The following MAN1C1 variants were observed in gnomAD, a reference collection of about 807,000 sequenced individuals.
MAN1C1 encodes mannosyl-oligosaccharide 1,2-alpha-mannosidase IC.
In MAN1C1, 49 loss-of-function variants were observed where a neutral mutation model predicts 71.5. The ratio of observed to expected loss-of-function variants is 0.69; its 90% CI spans 0.54 to 0.87. The LOEUF is 0.87. Ranked by LOEUF, MAN1C1 falls within the 40% of genes least tolerant of loss-of-function variation. The pLI, the probability that MAN1C1 is intolerant of heterozygous loss-of-function variation, is 0.00. For synonymous variants in MAN1C1, 352 were observed against 343.7 expected, an observed-to-expected ratio of 1.02 and a Z score of -0.27; for missense variants, 743 against 835.0, an observed-to-expected ratio of 0.89 and a Z score of 1.36.
intron 1 of MAN1C1, among the ~76,000 whole-genome samples, chr1:25,676,234 G>A (rs555504115): frequency 2.0e-5 from 3 of 152,262 alleles, no homozygotes; most frequent in African/African-American, 7.2e-5. Flanking sequence ...CCTCAGGTGG[G>A]TGGGAGTTGT....
At position 25,711,989 on chromosome 1, in the gene MAN1C1, C is replaced by T. The variant is rs1009668316; in HGVS notation, c.637+25453C>T. ...TCCCTCTGCCCAGGCCCTGCTCATC[C>T]TGATGCAGACCACAGAGGAGGCGAC... On this transcript the variant is annotated intron_variant, in intron 2 of 11. Transcript: ENST00000374332. This position sits in a 1 kb window ranked among gnomAD's most constrained non-coding sequence, Gnocchi z 4.3. 6.6e-6 allele frequency among the ~76,000 whole-genome samples: 1 copy of T among 152,162 alleles called. No homozygotes were observed. Among genetic ancestry groups the T allele is most frequent in the African/African-American group, 2.4e-5 (1 of 41,432 alleles).
rs996205808 is a variant in MAN1C1, at chr1:25,617,032, C to G, written c.-766C>G. 2.6e-5 allele frequency among the ~76,000 whole-genome samples: 4 copies of G among 151,590 alleles called. No individual in the cohort carries two copies. Among genetic ancestry groups the G allele is most frequent in the African/African-American group, 9.7e-5 (4 of 41,306 alleles). ...CGAGTTCGAGGGGCGGGAGCCCGCG[C>G]TCCCGGGCGCATCTGCAGCCGCCCA... On this transcript the variant is annotated 5_prime_UTR_variant, in exon 1 of 12. Coordinates refer to ENST00000374332, the MANE Select transcript of MAN1C1 (RefSeq NM_020379.4). The surrounding 1 kb of genome is among the most constrained non-coding windows in gnomAD (Gnocchi z 5.1).
At chr1:25,695,686 A>C (rs763375018) in intron 2 of MAN1C1, among the ~76,000 whole-genome samples, 1 of 152,206 alleles carries the variant, frequency 6.6e-6, no homozygotes, top group Non-Finnish European at 1.5e-5. Flanking sequence ...CATCTTGGCC[A>C]TTTTCTTGTT....
At chr1:25,658,836 C>G (rs2045805755) in intron 1 of MAN1C1, 1 of 152,758 alleles carries the variant, frequency 6.5e-6, no homozygotes, top group African/African-American at 2.4e-5. Flanking sequence ...AGATACTTCC[C>G]CAGACGCCCC....
intron 2 of MAN1C1, among the ~76,000 whole-genome samples, chr1:25,691,960 T>C (rs1187563844): frequency 6.6e-6 from 1 of 152,246 alleles, no homozygotes; most frequent in East Asian, 1.9e-4. Context: ...AAATTCATCC[T>C]CCCTTGGCAG....
chr1:25,767,677 T>G (rs1236063165), intron 7 of MAN1C1, among the ~76,000 whole-genome samples: 1 of 63,302 alleles, frequency 1.6e-5, no homozygotes, highest in Non-Finnish European at 2.9e-5. Context: ...ACAGCCACAC[T>G]CTCCTTACAT....
intron 2 of MAN1C1, among the ~76,000 whole-genome samples, chr1:25,733,158 G>C (rs2744769): frequency 0.1 from 15,268 of 152,110 alleles, 1,298 homozygotes; most frequent in African/African-American, 0.23. Context: ...AGCATCTCCA[G>C]CTGCCTTCAC....
intron 1 of MAN1C1, among the ~76,000 whole-genome samples, chr1:25,676,641 C>T (rs921730574): frequency 1.3e-5 from 2 of 152,166 alleles, no homozygotes; most frequent in African/African-American, 4.8e-5. Flanking sequence ...CCACTTGGCC[C>T]CTGCAAATGG....
chr1:25,701,342 G>A (rs1024320954), intron 2 of MAN1C1, among the ~76,000 whole-genome samples: 10 of 152,222 alleles, frequency 6.6e-5, no homozygotes, highest in Non-Finnish European at 1.2e-4. Flanking sequence ...ATAGCCATGG[G>A]TGCCCACCGG....
At chr1:25,679,859 C>T (rs1013158561) in intron 1 of MAN1C1, among the ~76,000 whole-genome samples, 31 of 128,080 alleles carry the variant, frequency 2.4e-4, no homozygotes, top group Non-Finnish European at 4.3e-4. Context: ...TGACATTTTT[C>T]TTTTTCTTTT....
chr1:25,684,173 C>T (rs1037997832), intron 1 of MAN1C1, among the ~76,000 whole-genome samples: 2 of 151,994 alleles, frequency 1.3e-5, no homozygotes, highest in Non-Finnish European at 2.9e-5. Context: ...CAGCTTGCTG[C>T]TTGCCCCCGC....
chr1:25,722,616 C>T (rs1346248980), intron 2 of MAN1C1, among the ~76,000 whole-genome samples: 2 of 152,186 alleles, frequency 1.3e-5, no homozygotes, highest in African/African-American at 2.4e-5. Context: ...CTCACAGACG[C>T]ACCATTTTCT....
intron 6 of MAN1C1, among the ~76,000 whole-genome samples, chr1:25,763,250 G>A (rs1409273037): frequency 6.6e-6 from 1 of 151,644 alleles, no homozygotes; most frequent in East Asian, 1.9e-4. Context: ...CCTGGGTGAT[G>A]GATTGAGACT....
chr1:25,672,920 T>C (rs1382117580), intron 1 of MAN1C1, among the ~76,000 whole-genome samples: 1 of 152,042 alleles, frequency 6.6e-6, no homozygotes, highest in Non-Finnish European at 1.5e-5. Flanking sequence ...CACAGAGGAA[T>C]GGCATTTAAT....
chr1:25,663,057 C>T (rs1318777686), intron 1 of MAN1C1, among the ~76,000 whole-genome samples: 6 of 150,610 alleles, frequency 4.0e-5, no homozygotes, highest in South Asian at 2.1e-4. Context: ...TGCCACTGCA[C>T]TCCAGCCTGG....
intron 1 of MAN1C1, among the ~76,000 whole-genome samples, chr1:25,674,940 G>T (rs546573792): frequency 9.2e-4 from 140 of 152,336 alleles, no homozygotes; most frequent in Admixed American, 1.6e-3. Flanking sequence ...AGTCGCAGGA[G>T]TTCCATGGAG....
intron 1 of MAN1C1, among the ~76,000 whole-genome samples, chr1:25,679,942 A>AC: frequency 2.6e-5 from 3 of 116,276 alleles, no homozygotes; most frequent in African/African-American, 1.2e-4. Flanking sequence ...TGTCTCAAAA[A>AC]AAAAAAAAAT....
intron 1 of MAN1C1, among the ~76,000 whole-genome samples, chr1:25,650,534 G>A (rs1002761165): frequency 1.3e-5 from 2 of 152,182 alleles, no homozygotes; most frequent in African/African-American, 2.4e-5. Flanking sequence ...ACGACCCCCC[G>A]CAGAGAGAGC....
chr1:25,642,006 G>A (rs1348718689), intron 1 of MAN1C1, among the ~76,000 whole-genome samples: 1 of 152,204 alleles, frequency 6.6e-6, no homozygotes, highest in East Asian at 1.9e-4. Flanking sequence ...GCATGTACTG[G>A]AATCACTTCT....
Sources: allele counts gnomAD v4.1 joint callset (sites outside exome capture counted in the v4.1 genomes callset), GRCh38; gene constraint gnomAD v4.1.1; non-coding constraint Gnocchi (gnomAD v3.1); transcripts MANE v1.5; gene names NCBI Gene and HGNC (gene_info 2026-07-23, HGNC 2026-07-21).